The following TPI1 variants were observed in gnomAD, a reference collection of about 807,000 sequenced individuals.
TPI1 encodes the protein triosephosphate isomerase 1.
Under a neutral mutation model 31.0 loss-of-function variants are expected in TPI1, and 11 were observed. The observed-to-expected ratio is 0.36, with a 90% CI of 0.22 to 0.59. The LOEUF is 0.59. Among genes scored for constraint, TPI1 ranks in the 20% least tolerant of loss-of-function variants. The pLI, the probability that TPI1 is intolerant of heterozygous loss-of-function variation, is 0.79. For synonymous variants in TPI1, 121 were observed against 122.8 expected (o/e 0.99, Z 0.10); for missense variants, 245 against 319.7 (o/e 0.77, Z 1.78).
At chr12:6,869,860 T>C (rs1944548379) in intron 5 of TPI1, 87 bp downstream of exon 5, 1 of 1,504,348 alleles carries the variant, frequency 6.6e-7, no homozygotes, top group Non-Finnish European at 9.2e-7. Flanking sequence ...ACCCCTTATT[T>C]CAAAGACACA....
rs1030783786 is a variant in TPI1, at chr12:6,869,975, T to C, written c.544-74T>C. On this transcript the variant is annotated intron_variant, in intron 5 of 6. Coordinates refer to ENST00000396705, the MANE Select transcript of TPI1 (RefSeq NM_000365.6). ...TGACTCAGTCAGAAACCACACTAAG[T>C]GTCCACTGGTGCCAGTGATTTTTCC... 1.7e-4 allele frequency: 255 copies of C among 1,524,930 alleles called. 3 individuals carry two copies. In the Admixed American group the frequency reaches 2.7e-3, roughly 16 times the overall value. 94.5% of individuals were successfully genotyped at this position (1,524,930 alleles called of 1,614,324 possible). A position where few individuals can be genotyped will look rare whatever the true frequency, so the allele number is the denominator to read the frequency against.
In TPI1 at chr12:6,870,618, T is replaced by C; in HGVS notation, c.*235T>C. On this transcript the variant is annotated 3_prime_UTR_variant, in exon 7 of 7. Transcript: ENST00000396705. The stretch of plus-strand genomic sequence containing the variant: ...GGAACTAAACGTCACCAAGGTGGCT[T>C]CTCCTTGGCTGAGAGATGGAAGGCG... The C allele has an allele frequency of 1.4e-6, 1 of 689,816 alleles. No individual in the cohort carries two copies. Among genetic ancestry groups the C allele is most frequent in the Non-Finnish European group, 2.7e-6 (1 of 369,776 alleles). 42.7% of individuals were successfully genotyped at this position (689,816 alleles called of 1,614,324 possible). A position where few individuals can be genotyped will look rare whatever the true frequency, so the allele number is the denominator to read the frequency against.
intron 3 of TPI1, 35 bp from the exon 4 acceptor site, chr12:6,869,223 A>G (rs781855208): frequency 1.2e-6 from 2 of 1,614,130 alleles, no homozygotes; most frequent in Non-Finnish European, 1.7e-6. Flanking sequence ...GTCTTTTTCC[A>G]AGAAGGATGT....
At chr12:6,868,180 C>T (rs1483474543) in intron 1 of TPI1, 2 of 1,288,280 alleles carry the variant, frequency 1.6e-6, no homozygotes, top group Non-Finnish European at 2.0e-6. Context: ...TGACCCCTTC[C>T]CTTCGGCAAC....
Position 6,869,374 on chromosome 12 carries a change from G to C in TPI1, c.441G>C (p.Gln147His), listed in dbSNP as rs782729595. The C allele has an allele frequency of 1.2e-6, 2 of 1,614,116 alleles. No homozygotes were observed. The highest frequency in any genetic ancestry group is 1.7e-6 in the Non-Finnish European group (2 of 1,180,006). The change falls in exon 4 of 7, where the codon CAG becomes CAC. Residue 147 changes from glutamine to histidine, a missense_variant. Coordinates refer to ENST00000396705, the MANE Select transcript of TPI1 (RefSeq NM_000365.6). The part of the protein sequence containing the change: ...AGITEKVVFE[Q>H]TKVIADNVKD... ...TCACTGAGAAGGTTGTTTTCGAGCA[G>C]ACAAAGGTCATCGCAGGTATCTCTG...
chr12:6,869,613 T>C (rs1944539684), intron 4 of TPI1, 75 bp from the exon 5 acceptor site: 1 of 1,573,194 alleles, frequency 6.4e-7, no homozygotes, highest in Non-Finnish European at 8.7e-7. Flanking sequence ...GCCACCGTTC[T>C]TCGTACTCCG....
Position 6,867,751 on chromosome 12 carries a change from T to TCCCGAGGC in TPI1, c.115+88_115+95dup, listed in dbSNP as rs537870809. 7.2e-4 allele frequency: 1,032 copies of TCCCGAGGC among 1,439,292 alleles called. 3 individuals are homozygous for TCCCGAGGC. In the African/African-American group the frequency reaches 0.011, roughly 15 times the overall value. 89.2% of individuals were successfully genotyped at this position (1,439,292 alleles called of 1,614,324 possible). ...CCGGGGCAGGAGTGGCAGCGCCCTC[T>TCCCGAGGC]CCCGAGGCCCCGAGGCCCCGAGGCC... is the stretch of plus-strand genomic sequence containing the variant. On this transcript the variant is annotated intron_variant, in intron 1 of 6. Transcript: ENST00000396705.
chr12:6,868,006 G>A (rs1413874925), intron 1 of TPI1: 6 of 1,148,610 alleles, frequency 5.2e-6, no homozygotes, highest in Non-Finnish European at 6.7e-6. Context: ...CGGAGCCCGA[G>A]GCTCTGCGGG....
intron 1 of TPI1, chr12:6,868,407 C>G (rs1426153269): frequency 3.4e-5 from 44 of 1,288,620 alleles, no homozygotes; most frequent in Non-Finnish European, 4.4e-5. Flanking sequence ...GGGCCTGATC[C>G]AAAGAGGCAT....
Position 6,867,538 on chromosome 12 carries a change from C to T in TPI1, c.-29C>T, listed in dbSNP as rs181882616. ...CAGTGGCCGCGACTGCGCGCAGACA[C>T]TGACCTTCAGCGCCTCGGCTCCAGC... On this transcript the variant is annotated 5_prime_UTR_variant, in exon 1 of 7. Transcript: ENST00000396705. The T allele has an allele frequency of 1.5e-5, 24 of 1,608,488 alleles. No individual in the cohort carries two copies. The highest frequency in any genetic ancestry group is 1.6e-4 in the Middle Eastern group (1 of 6,068).
chr12:6,870,010 G>C, intron 5 of TPI1, 39 bp from the exon 6 acceptor site: 1 of 1,608,268 alleles, frequency 6.2e-7, no homozygotes, highest in East Asian at 2.2e-5. Flanking sequence ...CTCTTAGAGA[G>C]GCAGAAAAGG....
rs782547955 is a variant in TPI1, at chr12:6,869,079, G to A, written c.240-20G>A. 9 of 1,614,086 alleles carry A rather than the reference G, an allele frequency of 5.6e-6. No individual in the cohort carries two copies. The highest frequency in any genetic ancestry group is 1.7e-5 in the Admixed American group (1 of 60,004). On this transcript the variant is annotated intron_variant, in intron 2 of 6. Coordinates refer to ENST00000396705, the MANE Select transcript of TPI1 (RefSeq NM_000365.6). ...CAGGGTGGGCTCCCTGCTGAACCTTGGCTTCATCTCTTCCTTTAGCCCTGG... is the reference window on the plus strand; with the variant it reads ...CAGGGTGGGCTCCCTGCTGAACCTTAGCTTCATCTCTTCCTTTAGCCCTGG...
In TPI1 at chr12:6,870,389, A is replaced by G. The variant is rs1555132657; in HGVS notation, c.*6A>G. On this transcript the variant is annotated 3_prime_UTR_variant, in exon 7 of 7. Coordinates refer to ENST00000396705, the MANE Select transcript of TPI1 (RefSeq NM_000365.6). ...TCATCAATGCCAAACAATGAGCCCCATCCATCTTCCCTACCCTTCCTGCCA... is the reference window on the plus strand; with the variant it reads ...TCATCAATGCCAAACAATGAGCCCCGTCCATCTTCCCTACCCTTCCTGCCA... 5.6e-6 allele frequency: 9 copies of G among 1,603,478 alleles called. No homozygotes were observed. Among genetic ancestry groups the G allele is most frequent in the Non-Finnish European group, 6.8e-6 (8 of 1,171,230 alleles).
intron 1 of TPI1, chr12:6,867,997 G>A (rs1291960284): frequency 9.0e-7 from 1 of 1,109,946 alleles, no homozygotes; most frequent in Non-Finnish European, 1.2e-6. Context: ...GGTTAGGAGC[G>A]GAGCCCGAGG....
At chr12:6,868,620 A>G (rs782493830) in intron 1 of TPI1, 2 of 1,365,870 alleles carry the variant, frequency 1.5e-6, no homozygotes, top group South Asian at 1.5e-5. Context: ...CCAGCTGTTA[A>G]AAGAGCAGAG....
In TPI1 at chr12:6,869,770, A is replaced by G. The variant is rs1591617527; in HGVS notation, c.540A>G (p.Gln180=). Residue 180 remains glutamine (Q), a synonymous_variant, in exon 5 of 7, where the codon CAA becomes CAG. Transcript: ENST00000396705. ...AIGTGKTATP[Q]QAQEVHEKLR... is the part of the protein sequence containing the mutation. The stretch of plus-strand genomic sequence containing the variant: ...GTACTGGCAAGACTGCAACACCCCA[A>G]CAGGTAACCGGGCCCAGGAGCCCTG... 6 of 1,614,150 alleles carry G rather than the reference A, an allele frequency of 3.7e-6. No individual in the cohort carries two copies. The East Asian group carries it at 1.1e-4, about 30-fold the overall frequency.
At position 6,870,501 on chromosome 12, in the gene TPI1, C is replaced by T; in HGVS notation, c.*118C>T. The T allele has an allele frequency of 1.2e-6, 1 of 828,898 alleles. No homozygotes were observed. Among genetic ancestry groups the T allele is most frequent in the Non-Finnish European group, 2.2e-6 (1 of 464,134 alleles). The allele number at this position is 828,898 out of a possible 1,614,324, so 51.3% of individuals were successfully genotyped here. ...GGTGTCATCTGCTCCTTCCTGTGGCCTCATCCAAACTGTATCTTCCTTTAC... is the reference window on the plus strand; with the variant it reads ...GGTGTCATCTGCTCCTTCCTGTGGCTTCATCCAAACTGTATCTTCCTTTAC... On this transcript the variant is annotated 3_prime_UTR_variant, in exon 7 of 7. Transcript: ENST00000396705.
chr12:6,869,309 G>A lies in TPI1; in HGVS notation c.376G>A (p.Ala126Thr), dbSNP rs374074904. The change falls in exon 4 of 7, where the codon GCC becomes ACC. Residue 126 changes from alanine (A) to threonine (T), a missense_variant. Ala to Thr is a moderately conservative substitution (Grantham distance 58, BLOSUM62 0). Around this residue, in one of 3 missense-constraint regions of TPI1, gnomAD observed 127 missense variants for 163.7 expected, o/e 0.78. Transcript: ENST00000396705. ...TCTGGCAGAGGGACTCGGAGTAATCGCCTGCATTGGGGAGAAGCTAGATGA... is the reference window on the plus strand; with the variant it reads ...TCTGGCAGAGGGACTCGGAGTAATCACCTGCATTGGGGAGAAGCTAGATGA... ...HALAEGLGVI[A>T]CIGEKLDERE... The A allele has an allele frequency of 1.5e-5, 25 of 1,613,964 alleles. No homozygotes were observed. The African/African-American group carries it at 1.9e-4, about 12-fold the overall frequency.
intron 1 of TPI1, chr12:6,868,251 T>G (rs1161750372): frequency 7.8e-7 from 1 of 1,287,440 alleles, no homozygotes; most frequent in African/African-American, 1.5e-5. Context: ...CTGAGCGATT[T>G]GGGAGTGAGG....
Sources: gnomAD v4.1 joint callset for allele counts on GRCh38, gnomAD v4.1.1 for gene constraint, gnomAD v4.1.1 regional missense constraint, MANE v1.5 for transcripts, NCBI Gene and HGNC (gene_info 2026-07-23, HGNC 2026-07-21) for gene names.